Variants in EYA4 observed in about 807,000 individuals in gnomAD.
The protein encoded by EYA4 is protein phosphatase EYA4.
In EYA4, 31 loss-of-function variants were observed where a neutral mutation model predicts 87.9. That is an observed-to-expected ratio of 0.35 (90% CI 0.27 to 0.48). EYA4 has a LOEUF of 0.48. Ranked by LOEUF, EYA4 falls within the 20% of genes least tolerant of loss-of-function variation. The pLI is 0.99. For synonymous variants in EYA4, 263 were observed against 270.6 expected, an observed-to-expected ratio of 0.97 and a Z score of 0.28; for missense variants, 678 against 761.4, an observed-to-expected ratio of 0.89 and a Z score of 1.29.
intron 2 of EYA4, among the ~76,000 whole-genome samples, chr6:133,355,382 G>A (rs2128434181): frequency 6.6e-6 from 1 of 152,250 alleles, no homozygotes; most frequent in South Asian, 2.1e-4. Context: ...ACATGAACAG[G>A]TAGTTTATTG....
At chr6:133,298,639 C>T (rs943801498) in intron 2 of EYA4, among the ~76,000 whole-genome samples, 11 of 152,028 alleles carry the variant, frequency 7.2e-5, no homozygotes, top group African/African-American at 2.2e-4. Context: ...TCTTAGTTTC[C>T]GCATCTCCAA....
chr6:133,525,289 C>A (rs762815892), intron 19 of EYA4, 35 bp downstream of exon 19: 4 of 1,538,238 alleles, frequency 2.6e-6, no homozygotes, highest in Admixed American at 3.3e-5. Flanking sequence ...TGTGATACTT[C>A]TAATGCAAGC....
In EYA4 at chr6:133,323,885, A is replaced by G. The variant is rs572102217; in HGVS notation, c.33+49072A>G. On this transcript the variant is annotated intron_variant, in intron 2 of 19. Coordinates refer to ENST00000355286, the MANE Select transcript of EYA4 (RefSeq NM_004100.5). ...GAAGTAGTACAAACACAAGGTTCTT[A>G]ATATAGGTCCATAAGAAGTGGCATG... Among the ~76,000 whole-genome samples the G allele has an allele frequency of 5.3e-5, 8 of 152,290 alleles. No individual in the cohort carries two copies. In the South Asian group the frequency reaches 1.7e-3, roughly 32 times the overall value.
intron 2 of EYA4, among the ~76,000 whole-genome samples, chr6:133,338,662 C>T (rs1300635459): frequency 2.0e-5 from 3 of 152,182 alleles, no homozygotes; most frequent in Non-Finnish European, 4.4e-5. Context: ...CTTTTACCCA[C>T]TGTCACAAAT....
At chr6:133,388,919 G>T (rs1377428018) in intron 3 of EYA4, among the ~76,000 whole-genome samples, 2 of 152,110 alleles carry the variant, frequency 1.3e-5, no homozygotes, top group African/African-American at 4.8e-5. Flanking sequence ...ACAGTGCCTA[G>T]CATGCTCCGC....
chr6:133,348,482 G>A (rs969911161), intron 2 of EYA4, among the ~76,000 whole-genome samples: 4 of 151,808 alleles, frequency 2.6e-5, no homozygotes, highest in Non-Finnish European at 4.4e-5. Context: ...GGCCAGGCTG[G>A]TCTCAAACTC....
intron 1 of EYA4, among the ~76,000 whole-genome samples, chr6:133,271,621 G>A (rs1175799513): frequency 3.3e-5 from 5 of 152,132 alleles, no homozygotes; most frequent in African/African-American, 7.2e-5. Context: ...GTGCCACATC[G>A]AGGGCTCAGT....
intron 14 of EYA4, chr6:133,510,523 A>G (rs751410152): frequency 3.7e-6 from 1 of 273,036 alleles, no homozygotes; most frequent in Non-Finnish European, 7.4e-6. Context: ...AAATCTCTCC[A>G]CTCTTTTCCT....
chr6:133,476,344 T>G (rs1795731760), intron 11 of EYA4, among the ~76,000 whole-genome samples: 1 of 152,068 alleles, frequency 6.6e-6, no homozygotes, highest in African/African-American at 2.4e-5. Flanking sequence ...AATAGATATC[T>G]TGAACTTACT....
chr6:133,283,170 T>C (rs755122302), intron 2 of EYA4, among the ~76,000 whole-genome samples: 36 of 151,888 alleles, frequency 2.4e-4, no homozygotes, highest in Non-Finnish European at 2.9e-5. Context: ...GATGCATGCC[T>C]GTAGTCCCAG....
intron 3 of EYA4, among the ~76,000 whole-genome samples, chr6:133,406,085 T>TTA (rs1175488066): frequency 4.6e-5 from 7 of 152,062 alleles, no homozygotes; most frequent in East Asian, 1.9e-4. Flanking sequence ...TCAGATTACT[T>TTA]TATATATATA....
Position 133,529,119 on chromosome 6 carries a change from G to T in EYA4, c.*314G>T. ...AGCAAAGAACTCTTACCCTGGCAAA[G>T]CAGCAACACACATGCTCCGTCTGAC... On this transcript the variant is annotated 3_prime_UTR_variant, in exon 20 of 20. Transcript: ENST00000355286. The T allele has an allele frequency of 8.3e-7, 1 of 1,197,802 alleles. No homozygotes were observed. The highest frequency in any genetic ancestry group is 1.1e-6 in the Non-Finnish European group (1 of 950,400). 74.2% of individuals were successfully genotyped at this position (1,197,802 alleles called of 1,614,324 possible).
In EYA4 at chr6:133,283,891, A is replaced by G. The variant is rs572702738; in HGVS notation, c.33+9078A>G. ...GTGACTATTATTCCTCTCTGTTTCC[A>G]TATGTACATATTATTTAGCTCCCAT... On this transcript the variant is annotated intron_variant, in intron 2 of 19. Coordinates refer to ENST00000355286, the MANE Select transcript of EYA4 (RefSeq NM_004100.5). Among the ~76,000 whole-genome samples the G allele has an allele frequency of 3.7e-4, 57 of 152,204 alleles. 1 individual carries two copies. The highest frequency in any genetic ancestry group is 4.1e-4 in the South Asian group (2 of 4,826).
chr6:133,363,766 C>T (rs1562332770), intron 2 of EYA4, among the ~76,000 whole-genome samples: 1 of 152,070 alleles, frequency 6.6e-6, no homozygotes, highest in South Asian at 2.1e-4. Context: ...TGACCCACCG[C>T]GCCCGGCGAG....
intron 2 of EYA4, among the ~76,000 whole-genome samples, chr6:133,301,145 G>A (rs1282437938): frequency 6.6e-6 from 1 of 151,954 alleles, no homozygotes; most frequent in Non-Finnish European, 1.5e-5. Flanking sequence ...CTGTATGAGG[G>A]TTTTTTGGAA....
intron 2 of EYA4, among the ~76,000 whole-genome samples, chr6:133,286,685 A>T (rs1232780253): frequency 6.6e-6 from 1 of 152,240 alleles, no homozygotes; most frequent in Non-Finnish European, 1.5e-5. Context: ...ATGAATAGGT[A>T]TTGAGACAGT....
chr6:133,319,722 CTTT>C (rs58829338), intron 2 of EYA4, among the ~76,000 whole-genome samples: 1 of 143,312 alleles, frequency 7.0e-6, no homozygotes. Context: ...TTCTTTTCTT[CTTT>C]TTTTTTTTTG....
chr6:133,364,770 C>T (rs1290144480), intron 2 of EYA4, among the ~76,000 whole-genome samples: 2 of 152,164 alleles, frequency 1.3e-5, no homozygotes, highest in African/African-American at 2.4e-5. Context: ...ATGCTCCCTA[C>T]AGTACATAGG....
intron 1 of EYA4, among the ~76,000 whole-genome samples, chr6:133,257,550 A>G (rs1320627351): frequency 6.6e-6 from 1 of 152,210 alleles, no homozygotes; most frequent in Non-Finnish European, 1.5e-5. Flanking sequence ...TGTATTATAC[A>G]AACTACCACA....
Sources: allele counts gnomAD v4.1 joint callset (sites outside exome capture counted in the v4.1 genomes callset), GRCh38; gene constraint gnomAD v4.1.1; transcripts MANE v1.5; gene names NCBI Gene and HGNC (gene_info 2026-07-23, HGNC 2026-07-21).